The following NRG3 variants were observed in gnomAD, a reference collection of about 807,000 sequenced individuals.
NRG3 encodes the protein pro-neuregulin-3, membrane-bound isoform.
A neutral mutation model predicts 66.9 loss-of-function variants in NRG3; 31 were observed. That is an observed-to-expected ratio of 0.46 (90% CI 0.35 to 0.63). NRG3 has a LOEUF of 0.63. Ranked by LOEUF, NRG3 falls within the 20% of genes least tolerant of loss-of-function variation. The pLI is 0.00. For synonymous variants in NRG3, 393 were observed against 359.4 expected, an observed-to-expected ratio of 1.09 and a Z score of -1.06; for missense variants, 910 against 878.9, an observed-to-expected ratio of 1.04 and a Z score of -0.45.
At chr10:82,122,138 C>G (rs942323055) in intron 1 of NRG3, among the ~76,000 whole-genome samples, 2 of 152,128 alleles carry the variant, frequency 1.3e-5, no homozygotes, top group Non-Finnish European at 2.9e-5. Context: ...AATTCACACA[C>G]GTATTTAGAA....
chr10:81,906,443 T>C (rs1844613087), intron 1 of NRG3, among the ~76,000 whole-genome samples: 2 of 152,200 alleles, frequency 1.3e-5, no homozygotes, highest in South Asian at 4.1e-4. Flanking sequence ...TTTCTAAGGA[T>C]GTAGCATTTG....
chr10:81,963,539 A>G (rs1365666296), intron 1 of NRG3, among the ~76,000 whole-genome samples: 2 of 152,332 alleles, frequency 1.3e-5, no homozygotes, highest in East Asian at 3.9e-4. Flanking sequence ...ACATACATAC[A>G]TGTATTTTAA....
chr10:82,642,260 A>T (rs2050634019), intron 2 of NRG3, among the ~76,000 whole-genome samples: 1 of 120,736 alleles, frequency 8.3e-6, no homozygotes, highest in South Asian at 3.1e-4. Context: ...ACCAAATAGT[A>T]GATGGAGTTT....
At chr10:81,888,843 C>T (rs754938953) in intron 1 of NRG3, among the ~76,000 whole-genome samples, 8 of 152,024 alleles carry the variant, frequency 5.3e-5, no homozygotes, top group Admixed American at 3.9e-4. Flanking sequence ...TCAGAAGGTG[C>T]GAGGTTTCCA....
chr10:82,185,806 C>T lies in NRG3; in HGVS notation c.824-172933C>T, dbSNP rs762256391. Among the ~76,000 whole-genome samples, 3 of 152,190 alleles carry T rather than the reference C, an allele frequency of 2.0e-5. No individual in the cohort carries two copies. The East Asian group carries it at 5.8e-4, about 29-fold the overall frequency. On this transcript the variant is annotated intron_variant, in intron 1 of 8. Transcript: ENST00000372141. Reference sequence around the variant, plus strand: ...CCAGGACTGCATTATCACATCTTTACATCTCATCATTGGTTTTATTCTAAA... The same window carrying T: ...CCAGGACTGCATTATCACATCTTTATATCTCATCATTGGTTTTATTCTAAA...
intron 7 of NRG3, among the ~76,000 whole-genome samples, chr10:82,978,740 T>A (rs567124270): frequency 6.6e-6 from 1 of 152,290 alleles, no homozygotes; most frequent in South Asian, 2.1e-4. Flanking sequence ...GGAACTTCCC[T>A]TTTTCTCAGT....
chr10:82,722,032 G>A (rs111372667), intron 2 of NRG3, among the ~76,000 whole-genome samples: 1,737 of 152,064 alleles, frequency 0.011, 14 homozygotes, highest in Middle Eastern at 0.044. Context: ...AAGAACATAT[G>A]TTCTCACTGG....
intron 1 of NRG3, among the ~76,000 whole-genome samples, chr10:81,972,710 G>C (rs1215951915): frequency 6.6e-6 from 1 of 151,942 alleles, no homozygotes; most frequent in East Asian, 1.9e-4. Context: ...CCTATTATAA[G>C]TGTAATTGTA....
intron 2 of NRG3, among the ~76,000 whole-genome samples, chr10:82,364,747 T>C (rs576747808): frequency 1.1e-4 from 16 of 152,360 alleles, no homozygotes; most frequent in African/African-American, 3.6e-4. Context: ...TTGACCTGTA[T>C]TGACCATTTT....
Position 81,875,805 on chromosome 10 carries a change from C to T in NRG3, c.465C>T (p.Ser155=), listed in dbSNP as rs1413728079. The T allele has an allele frequency of 6.2e-7, 1 of 1,609,910 alleles. No homozygotes were observed. The highest frequency in any genetic ancestry group is 1.7e-5 in the Admixed American group (1 of 60,010). Residue 155 remains serine, a synonymous_variant, in exon 1 of 9, where the codon AGC becomes AGT. Transcript: ENST00000372141. The surrounding 1 kb of genome is among the most constrained non-coding windows in gnomAD (Gnocchi z 5.3). ...CCTCCAGGACGCCCAACCGGATTAG[C>T]ACTCGCCTGACCACCATCACGCGGG... ...AASSRTPNRI[S]TRLTTITRAP... is the part of the protein sequence containing the mutation.
At chr10:82,882,772 T>C (rs1015127344) in intron 4 of NRG3, among the ~76,000 whole-genome samples, 1 of 152,112 alleles carries the variant, frequency 6.6e-6, no homozygotes, top group Non-Finnish European at 1.5e-5. Flanking sequence ...GACTTCCATA[T>C]GCCACAAAGG....
At chr10:81,876,591 A>T (rs1033801752) in intron 1 of NRG3, among the ~76,000 whole-genome samples, 1 of 152,220 alleles carries the variant, frequency 6.6e-6, no homozygotes, top group Non-Finnish European at 1.5e-5. Context: ...GGAAGGAAAG[A>T]AAGCAAAGCA....
intron 2 of NRG3, among the ~76,000 whole-genome samples, chr10:82,401,018 C>G (rs1006471696): frequency 6.6e-6 from 1 of 152,112 alleles, no homozygotes; most frequent in Admixed American, 6.6e-5. Context: ...ACAAGGATGA[C>G]TATGAGACTC....
chr10:82,121,811 T>A (rs547627866), intron 1 of NRG3, among the ~76,000 whole-genome samples: 2 of 152,032 alleles, frequency 1.3e-5, no homozygotes, highest in East Asian at 1.9e-4. Context: ...ATTTTTTAAA[T>A]TTTTTTTATA....
chr10:82,221,241 A>AG (rs947623029), intron 1 of NRG3, among the ~76,000 whole-genome samples: 70 of 151,906 alleles, frequency 4.6e-4, no homozygotes, highest in African/African-American at 1.7e-3. Context: ...CACTGCCAAA[A>AG]AAAAAAATTG....
intron 4 of NRG3, among the ~76,000 whole-genome samples, chr10:82,893,046 A>G (rs2136134904): frequency 6.6e-6 from 1 of 152,308 alleles, no homozygotes; most frequent in Non-Finnish European, 1.5e-5. Context: ...TTTCATAGTG[A>G]TTGATAGATC....
intron 2 of NRG3, among the ~76,000 whole-genome samples, chr10:82,679,979 T>C (rs976372426): frequency 1.8e-4 from 28 of 152,190 alleles, no homozygotes; most frequent in African/African-American, 6.3e-4. Flanking sequence ...GATCATATAG[T>C]ATACCATATT....
chr10:82,098,680 CT>C (rs982173341), intron 1 of NRG3, among the ~76,000 whole-genome samples: 1 of 152,120 alleles, frequency 6.6e-6, no homozygotes, highest in African/African-American at 2.4e-5. Flanking sequence ...GGATATGGTT[CT>C]TTTTTGTTGT....
intron 1 of NRG3, among the ~76,000 whole-genome samples, chr10:81,957,007 T>C (rs1849899754): frequency 6.6e-6 from 1 of 152,228 alleles, no homozygotes; most frequent in Non-Finnish European, 1.5e-5. Context: ...GGATTGCTCC[T>C]GGGTCTGCAA....
Sources: gnomAD v4.1 joint callset for allele counts (sites outside exome capture counted in the v4.1 genomes callset) on GRCh38, gnomAD v4.1.1 for gene constraint, Gnocchi (gnomAD v3.1) non-coding constraint, MANE v1.5 for transcripts, NCBI Gene and HGNC (gene_info 2026-07-23, HGNC 2026-07-21) for gene names.